KIAA2012: variants seen among roughly 807,000 people sequenced by gnomAD.
KIAA2012 encodes KIAA2012.
Under a neutral mutation model 150.6 loss-of-function variants are expected in KIAA2012, and 125 were observed. The ratio of observed to expected loss-of-function variants is 0.83; its 90% CI spans 0.72 to 0.96. The LOEUF (loss-of-function observed/expected upper bound fraction) is 0.96. Among genes scored for constraint, KIAA2012 ranks in the 40% least tolerant of loss-of-function variants. The probability of loss-of-function intolerance (pLI) is 0.00; values close to 1 mark genes in which losing one functional copy is unlikely to be tolerated. For missense variants in KIAA2012, 1,219 were observed against 1,354.9 expected (o/e 0.90, Z 1.57); for synonymous variants, 462 against 504.7 (o/e 0.92, Z 1.13).
chr2:202,184,426 A>G (rs917380567), intron 15 of KIAA2012, among the ~76,000 whole-genome samples: 5 of 151,938 alleles, frequency 3.3e-5, no homozygotes, highest in Non-Finnish European at 7.4e-5. Context: ...GTAAGTTGGT[A>G]CAAAAGCTTG....
At chr2:202,161,955 C>T (rs1428443415) in intron 14 of KIAA2012, among the ~76,000 whole-genome samples, 19 of 152,242 alleles carry the variant, frequency 1.2e-4, no homozygotes, top group Non-Finnish European at 1.5e-5. Flanking sequence ...TACCTGTTTC[C>T]ATCACTCTGT....
intron 2 of KIAA2012, among the ~76,000 whole-genome samples, chr2:202,090,425 A>G (rs1457383928): frequency 6.6e-6 from 1 of 152,242 alleles, no homozygotes; most frequent in East Asian, 1.9e-4. Context: ...TTCCCATTAC[A>G]GTACAGAGCC....
intron 22 of KIAA2012, among the ~76,000 whole-genome samples, chr2:202,198,152 C>T (rs1334996663): frequency 1.7e-5 from 2 of 120,316 alleles, no homozygotes; most frequent in Non-Finnish European, 3.2e-5. Flanking sequence ...CCAGCCTGGG[C>T]GACAAGAGCA....
intron 22 of KIAA2012, chr2:202,201,900 C>T: frequency 3.0e-6 from 3 of 1,010,472 alleles, no homozygotes; most frequent in East Asian, 2.4e-5. Flanking sequence ...GGCTGCAGGT[C>T]CGGTTCGTCT....
chr2:202,106,492 C>G (rs1690193818), intron 9 of KIAA2012, among the ~76,000 whole-genome samples: 1 of 152,088 alleles, frequency 6.6e-6, no homozygotes, highest in East Asian at 1.9e-4. Context: ...GTTTGCCAGC[C>G]TGGCCAACAT....
chr2:202,175,187 C>T (rs954370353), intron 15 of KIAA2012, among the ~76,000 whole-genome samples: 7 of 152,088 alleles, frequency 4.6e-5, no homozygotes, highest in African/African-American at 1.4e-4. Context: ...ATTGCGTCCT[C>T]ATAGTGTAGT....
chr2:202,111,509 C>CAA (rs71025277), intron 10 of KIAA2012, among the ~76,000 whole-genome samples: 692 of 57,584 alleles, frequency 0.012, 77 homozygotes, highest in Admixed American at 0.022. Flanking sequence ...GACTCTGTCT[C>CAA]AAAAAAAAAA....
chr2:202,104,861 A>G lies in KIAA2012; in HGVS notation c.1325-900A>G, dbSNP rs541991189. ...GATACACTTAATAAAAAGACAGACA[A>G]TACTATTCACAAGATTGGGTTCGAT... is the stretch of plus-strand genomic sequence containing the variant. On this transcript the variant is annotated intron_variant, in intron 8 of 23. Coordinates refer to ENST00000498697, the MANE Select transcript of KIAA2012 (RefSeq NM_001277372.4). This position sits in a 1 kb window ranked among gnomAD's most constrained non-coding sequence, Gnocchi z 4.3. Among the ~76,000 whole-genome samples, 169 of 152,318 alleles carry G rather than the reference A, an allele frequency of 1.1e-3. No individual in the cohort carries two copies. Among genetic ancestry groups the G allele is most frequent in the Non-Finnish European group, 2.1e-3 (145 of 68,028 alleles).
chr2:202,164,119 A>T (rs777268127), intron 14 of KIAA2012, among the ~76,000 whole-genome samples: 1 of 152,098 alleles, frequency 6.6e-6, no homozygotes, highest in Non-Finnish European at 1.5e-5. Flanking sequence ...AGGACCCTTC[A>T]TGCCAGATTC....
At chr2:202,178,332 T>C (rs1692039572) in intron 15 of KIAA2012, among the ~76,000 whole-genome samples, 1 of 152,190 alleles carries the variant, frequency 6.6e-6, no homozygotes, top group Non-Finnish European at 1.5e-5. Context: ...TTATAGACTT[T>C]TAAAAAGTAC....
intron 19 of KIAA2012, 44 bp from the exon 20 acceptor site, chr2:202,193,257 C>G (rs1450659513): frequency 6.5e-7 from 1 of 1,527,838 alleles, no homozygotes; most frequent in African/African-American, 1.4e-5. Flanking sequence ...ACTGCTGAGA[C>G]AGACCCATCT....
chr2:202,189,176 T>G (rs1312722137), intron 18 of KIAA2012, among the ~76,000 whole-genome samples: 1 of 152,162 alleles, frequency 6.6e-6, no homozygotes, highest in Non-Finnish European at 1.5e-5. Flanking sequence ...GGCTGAACTT[T>G]GCCAGGTTAC....
At chr2:202,146,789 ACT>A (rs1394383886) in intron 13 of KIAA2012, among the ~76,000 whole-genome samples, 2 of 152,086 alleles carry the variant, frequency 1.3e-5, no homozygotes, top group East Asian at 1.9e-4. Flanking sequence ...ACAGAGCAAG[ACT>A]CTGTCTCAAA....
intron 12 of KIAA2012, chr2:202,125,932 CTGCTTTTTTT>C: frequency 4.4e-6 from 1 of 226,398 alleles, no homozygotes; most frequent in Non-Finnish European, 7.9e-6. Context: ...GTGTTCCTGG[CTGCTTTTTTT>C]TTTTTTTTTT....
chr2:202,105,304 G>T (rs1026132572), intron 8 of KIAA2012, among the ~76,000 whole-genome samples: 3 of 145,712 alleles, frequency 2.1e-5, no homozygotes, highest in Non-Finnish European at 4.5e-5. Context: ...GAAGGAATTT[G>T]TTCATGCAAG....
rs544273306 is a variant in KIAA2012 at position 202,175,552 on chromosome 2, C to A, written c.2120-9201C>A. 3.9e-5 allele frequency among the ~76,000 whole-genome samples: 6 copies of A among 152,208 alleles called. No homozygotes were observed. The South Asian group carries it at 1.2e-3, about 32-fold the overall frequency. Reference sequence around the variant, plus strand: ...GATTAGTGCCTTTACAAAAGAGGCCCCAGAGAGCTATCTTGCCCCTTTTAT... The same window carrying A: ...GATTAGTGCCTTTACAAAAGAGGCCACAGAGAGCTATCTTGCCCCTTTTAT... On this transcript the variant is annotated intron_variant, in intron 15 of 23. Coordinates refer to ENST00000498697, the MANE Select transcript of KIAA2012 (RefSeq NM_001277372.4).
intron 13 of KIAA2012, among the ~76,000 whole-genome samples, chr2:202,146,313 G>A (rs1691293116): frequency 6.6e-6 from 1 of 152,008 alleles, no homozygotes; most frequent in African/African-American, 2.4e-5. Flanking sequence ...GACCAGCCTG[G>A]GCAACAAAGT....
chr2:202,204,076 GTTTTT>G (rs143485165), intron 23 of KIAA2012, among the ~76,000 whole-genome samples: 11 of 139,450 alleles, frequency 7.9e-5, no homozygotes, highest in East Asian at 4.3e-4. Context: ...GCGGTTTTTT[GTTTTT>G]TTTTTTTTTT....
At chr2:202,110,605 A>C (rs2105927685) in intron 10 of KIAA2012, among the ~76,000 whole-genome samples, 1 of 152,330 alleles carries the variant, frequency 6.6e-6, no homozygotes, top group African/African-American at 2.4e-5. Flanking sequence ...TGTATAAAGA[A>C]AGAGGTATCT....
Sources: gnomAD v4.1 joint callset for allele counts (sites outside exome capture counted in the v4.1 genomes callset) on GRCh38, gnomAD v4.1.1 for gene constraint, Gnocchi (gnomAD v3.1) non-coding constraint, MANE v1.5 for transcripts, NCBI Gene and HGNC (gene_info 2026-07-23, HGNC 2026-07-21) for gene names.